The following KATNBL1 variants were observed in gnomAD, a reference collection of about 807,000 sequenced individuals.
KATNBL1 encodes the protein KATNB1-like protein 1.
In KATNBL1, 28 loss-of-function variants were observed where a neutral mutation model predicts 44.7. The observed-to-expected ratio is 0.63, with a 90% CI of 0.46 to 0.86. The LOEUF is 0.86. KATNBL1 is among the 40% of genes least tolerant of loss of function. The pLI is 0.00. For synonymous variants in KATNBL1, 78 were observed against 114.9 expected, an observed-to-expected ratio of 0.68 and a Z score of 2.06; for missense variants, 272 against 350.7, an observed-to-expected ratio of 0.78 and a Z score of 1.79.
At chr15:34,183,967 A>C (rs1394174222) in intron 1 of KATNBL1, among the ~76,000 whole-genome samples, 1 of 152,024 alleles carries the variant, frequency 6.6e-6, no homozygotes, top group Non-Finnish European at 1.5e-5. Context: ...TCAGGAGTTC[A>C]AGACTAGCCT....
intron 2 of KATNBL1, among the ~76,000 whole-genome samples, chr15:34,155,085 A>G (rs1294418284): frequency 6.6e-6 from 1 of 152,214 alleles, no homozygotes; most frequent in East Asian, 1.9e-4. Flanking sequence ...TATAAAGGCT[A>G]GAAGGGGGTT....
chr15:34,153,397 T>A (rs1897875257), intron 3 of KATNBL1, among the ~76,000 whole-genome samples: 1 of 152,192 alleles, frequency 6.6e-6, no homozygotes, highest in Non-Finnish European at 1.5e-5. Context: ...GATCTTTTTC[T>A]AACAAAGTGG....
At chr15:34,165,250 G>A (rs970955925) in intron 1 of KATNBL1, among the ~76,000 whole-genome samples, 8 of 152,072 alleles carry the variant, frequency 5.3e-5, no homozygotes, top group Middle Eastern at 3.2e-3. Context: ...CATTGGGGGC[G>A]ACTTAAATGA....
chr15:34,162,763 C>T (rs1056942113), intron 2 of KATNBL1, among the ~76,000 whole-genome samples: 1 of 152,060 alleles, frequency 6.6e-6, no homozygotes, highest in African/African-American at 2.4e-5. Context: ...GTGCATGCCA[C>T]CATGCCTGGC....
At chr15:34,174,272 A>G (rs1889256528) in intron 1 of KATNBL1, among the ~76,000 whole-genome samples, 3 of 152,248 alleles carry the variant, frequency 2.0e-5, no homozygotes, top group Admixed American at 6.5e-5. Flanking sequence ...GATATGTATA[A>G]TGTAATAACT....
chr15:34,189,596 C>A (rs887541668), intron 1 of KATNBL1, among the ~76,000 whole-genome samples: 1 of 152,134 alleles, frequency 6.6e-6, no homozygotes, highest in African/African-American at 2.4e-5. Flanking sequence ...ATAAAATAGT[C>A]ATTCATTTAA....
At chr15:34,181,618 A>ACATATATATGTC (rs1341806546) in intron 1 of KATNBL1, among the ~76,000 whole-genome samples, 1 of 113,132 alleles carries the variant, frequency 8.8e-6, no homozygotes, top group East Asian at 2.2e-4. Context: ...ATATATATAC[A>ACATATATATGTC]CATATATATG....
intron 3 of KATNBL1, among the ~76,000 whole-genome samples, chr15:34,154,340 G>C (rs961922885): frequency 1.3e-5 from 2 of 152,176 alleles, no homozygotes; most frequent in Non-Finnish European, 2.9e-5. Context: ...ATCTGAGAAT[G>C]AATGTCATTC....
At chr15:34,152,437 C>T (rs1205681575) in intron 4 of KATNBL1, among the ~76,000 whole-genome samples, 3 of 152,196 alleles carry the variant, frequency 2.0e-5, no homozygotes, top group Admixed American at 2.0e-4. Flanking sequence ...CGCCTAACCT[C>T]GTGATCCACC....
intron 1 of KATNBL1, among the ~76,000 whole-genome samples, chr15:34,193,073 C>T (rs1023140101): frequency 1.3e-5 from 2 of 151,586 alleles, no homozygotes; most frequent in Admixed American, 6.6e-5. Flanking sequence ...AAAAATTAGC[C>T]GGGCGTAGTG....
At chr15:34,198,587 A>C (rs74007706) in intron 1 of KATNBL1, among the ~76,000 whole-genome samples, 6 of 152,332 alleles carry the variant, frequency 3.9e-5, no homozygotes, top group African/African-American at 1.4e-4. Context: ...TGTAAAATTT[A>C]TTTCCATAAC....
At chr15:34,158,809 A>C (rs1888712870) in intron 2 of KATNBL1, among the ~76,000 whole-genome samples, 1 of 152,216 alleles carries the variant, frequency 6.6e-6, no homozygotes, top group Admixed American at 6.5e-5. Flanking sequence ...TTGACTACTG[A>C]GTACCCATTA....
intron 1 of KATNBL1, among the ~76,000 whole-genome samples, chr15:34,187,389 G>C (rs1254329875): frequency 1.3e-5 from 2 of 152,250 alleles, no homozygotes; most frequent in South Asian, 4.1e-4. Context: ...CCCTTCACTT[G>C]TCTGTGTACC....
chr15:34,152,847 A>G lies in KATNBL1; in HGVS notation c.381T>C (p.Asp127=). The G allele has an allele frequency of 6.2e-7, 1 of 1,613,888 alleles. No homozygotes were observed. The highest frequency in any genetic ancestry group is 1.1e-5 in the South Asian group (1 of 91,056). Residue 127 remains aspartate (D), a synonymous_variant, in exon 4 of 10, where the codon GAT becomes GAC. Transcript: ENST00000256544. Reference sequence around the variant, plus strand: ...GGCTTTCTGTCTGTGAAGAACCAGAATCACTGGAGTTAACCAAATATGTTC... The same window carrying G: ...GGCTTTCTGTCTGTGAAGAACCAGAGTCACTGGAGTTAACCAAATATGTTC... ...DSRTYLVNSS[D]SGSSQTESPS...
Position 34,151,435 on chromosome 15 carries a change from A to ATTTTTTTTTTTTTTTTTTTTTTTTTT in KATNBL1, c.438+1354_438+1355insAAAAAAAAAAAAAAAAAAAAAAAAAA, listed in dbSNP as rs1491367010. ...AAAGTGTCTATTGTGTCCTTTGCCT[A>ATTTTTTTTTTTTTTTTTTTTTTTTTT]CTTTTTTTTTTTTTTTTTTTTTTTT... On this transcript the variant is annotated intron_variant, in intron 4 of 9. Transcript: ENST00000256544. 6.3e-5 allele frequency among the ~76,000 whole-genome samples: 4 copies of ATTTTTTTTTTTTTTTTTTTTTTTTTT among 63,828 alleles called. 1 individual carries two copies. The highest frequency in any genetic ancestry group is 3.2e-5 in the Non-Finnish European group (1 of 31,220). 41.9% of individuals were successfully genotyped at this position (63,828 alleles called of 152,430 possible).
intron 1 of KATNBL1, among the ~76,000 whole-genome samples, chr15:34,172,168 G>C (rs1889181409): frequency 6.6e-6 from 1 of 151,496 alleles, no homozygotes; most frequent in Non-Finnish European, 1.5e-5. Flanking sequence ...GACACAGTTG[G>C]CTCACTAGAT....
At chr15:34,160,759 G>A (rs1390593699) in intron 2 of KATNBL1, among the ~76,000 whole-genome samples, 3 of 152,008 alleles carry the variant, frequency 2.0e-5, no homozygotes, top group African/African-American at 7.2e-5. Context: ...CATCTTGATG[G>A]TTTTGGGGTA....
chr15:34,201,069 C>T (rs963281430), intron 1 of KATNBL1, among the ~76,000 whole-genome samples: 2 of 152,132 alleles, frequency 1.3e-5, no homozygotes, highest in African/African-American at 4.8e-5. Context: ...CCCTCCTCGG[C>T]CTCCCAAAGT....
intron 2 of KATNBL1, among the ~76,000 whole-genome samples, chr15:34,163,211 T>G (rs1276788791): frequency 6.6e-6 from 1 of 151,672 alleles, no homozygotes; most frequent in African/African-American, 2.4e-5. Flanking sequence ...GCCCAGATAA[T>G]TTTTGTATTT....
Sources: gnomAD v4.1 joint callset for allele counts (sites outside exome capture counted in the v4.1 genomes callset) on GRCh38, gnomAD v4.1.1 for gene constraint, MANE v1.5 for transcripts, NCBI Gene and HGNC (gene_info 2026-07-23, HGNC 2026-07-21) for gene names.